The following SPIRE1 variants were observed in gnomAD, a reference collection of about 807,000 sequenced individuals.
The protein encoded by SPIRE1 is protein spire homolog 1.
A neutral mutation model predicts 94.1 loss-of-function variants in SPIRE1; 40 were observed. The observed-to-expected ratio is 0.43, with a 90% confidence interval of 0.33 to 0.55. SPIRE1 has a LOEUF of 0.55. SPIRE1 is among the 20% of genes least tolerant of loss of function. The pLI is 0.06. For synonymous variants in SPIRE1, 376 were observed against 371.7 expected, an observed-to-expected ratio of 1.01 and a Z score of -0.13; for missense variants, 838 against 975.2, an observed-to-expected ratio of 0.86 and a Z score of 1.87.
intron 4 of SPIRE1, among the ~76,000 whole-genome samples, chr18:12,521,395 G>A (rs1241667122): frequency 6.6e-6 from 1 of 151,028 alleles, no homozygotes; most frequent in South Asian, 2.1e-4. Flanking sequence ...GCAGTGGCAC[G>A]TGATCTCAGC....
At chr18:12,590,953 A>AT (rs1289078953) in intron 2 of SPIRE1, among the ~76,000 whole-genome samples, 1 of 152,238 alleles carries the variant, frequency 6.6e-6, no homozygotes, top group African/African-American at 2.4e-5. Flanking sequence ...ATATATTATC[A>AT]TTTTATCCTC....
intron 10 of SPIRE1, among the ~76,000 whole-genome samples, chr18:12,469,822 A>C (rs1209337992): frequency 6.7e-6 from 1 of 149,872 alleles, no homozygotes; most frequent in Admixed American, 6.8e-5. Flanking sequence ...GGCAAAAGTA[A>C]GCACATTTGG....
intron 2 of SPIRE1, among the ~76,000 whole-genome samples, chr18:12,621,575 T>C (rs1598544647): frequency 6.6e-6 from 1 of 152,212 alleles, no homozygotes; most frequent in Non-Finnish European, 1.5e-5. Flanking sequence ...ATGACATGGA[T>C]GAACCCTGAA....
At chr18:12,480,929 T>C (rs1054251296) in intron 9 of SPIRE1, among the ~76,000 whole-genome samples, 8 of 152,222 alleles carry the variant, frequency 5.3e-5, no homozygotes, top group African/African-American at 1.9e-4. Flanking sequence ...GCATGCAGTC[T>C]GTGAGGCTGC....
chr18:12,569,907 T>C (rs1422596343), intron 2 of SPIRE1, among the ~76,000 whole-genome samples: 1 of 152,202 alleles, frequency 6.6e-6, no homozygotes, highest in Non-Finnish European at 1.5e-5. Flanking sequence ...AACCACATAT[T>C]CTAAAATTTA....
chr18:12,450,580 C>T (rs2031183998), intron 16 of SPIRE1: 3 of 548,958 alleles, frequency 5.5e-6, no homozygotes, highest in Middle Eastern at 2.8e-4. Context: ...CCAAGAAGTG[C>T]TCTGAGAGGT....
rs1449420134 is a variant in SPIRE1, at chr18:12,480,669, G to C, written c.1232-798C>G. On this transcript the variant is annotated intron_variant, in intron 9 of 16. Coordinates refer to ENST00000409402, the MANE Select transcript of SPIRE1 (RefSeq NM_001128626.2). ...AATAAACTAAGGCTCAGATGGATTCGGCAAGTGGCACCATGGTGTCATGCC... is the reference window on the plus strand; with the variant it reads ...AATAAACTAAGGCTCAGATGGATTCCGCAAGTGGCACCATGGTGTCATGCC... Among the ~76,000 whole-genome samples the C allele has an allele frequency of 2.6e-5, 4 of 152,102 alleles. No individual in the cohort carries two copies. The East Asian group carries it at 7.7e-4, about 29-fold the overall frequency.
At chr18:12,598,565 A>G (rs2036743842) in intron 2 of SPIRE1, among the ~76,000 whole-genome samples, 1 of 152,160 alleles carries the variant, frequency 6.6e-6, no homozygotes, top group South Asian at 2.1e-4. Context: ...TCCTTGGATT[A>G]TTCTCGAGAC....
chr18:12,583,431 A>G (rs889312468), intron 2 of SPIRE1, among the ~76,000 whole-genome samples: 3 of 152,100 alleles, frequency 2.0e-5, no homozygotes, highest in African/African-American at 7.2e-5. Flanking sequence ...GTGAAACCTC[A>G]TCTCTACTAA....
chr18:12,455,038 T>C (rs551780987), intron 12 of SPIRE1, among the ~76,000 whole-genome samples: 3 of 151,960 alleles, frequency 2.0e-5, no homozygotes, highest in Admixed American at 2.0e-4. Context: ...TGGGCTCAAG[T>C]GATCCTCCCA....
At chr18:12,515,661 G>T (rs529158669) in intron 4 of SPIRE1, among the ~76,000 whole-genome samples, 1 of 152,260 alleles carries the variant, frequency 6.6e-6, no homozygotes, top group Admixed American at 6.5e-5. Context: ...TCTGCTAAAG[G>T]CTCACTACTT....
intron 12 of SPIRE1, among the ~76,000 whole-genome samples, chr18:12,460,885 T>C (rs1363641062): frequency 6.6e-6 from 1 of 152,230 alleles, no homozygotes; most frequent in Non-Finnish European, 1.5e-5. Flanking sequence ...TATGATTTTA[T>C]GGATTTCCCA....
At chr18:12,451,205 T>A (rs1346250157) in intron 16 of SPIRE1, among the ~76,000 whole-genome samples, 1 of 152,182 alleles carries the variant, frequency 6.6e-6, no homozygotes, top group Non-Finnish European at 1.5e-5. Flanking sequence ...GAAATTCAAG[T>A]AAATTTATCT....
Position 12,604,737 on chromosome 18 carries a change from G to A in SPIRE1, c.372+30325C>T, listed in dbSNP as rs144617211. ...AGGGAAGGGAAGGGTCAGAGTGAAC[G>A]TTTTTGGACATAAATCAGATCACAT... On this transcript the variant is annotated intron_variant, in intron 2 of 16. Transcript: ENST00000409402. Among the ~76,000 whole-genome samples, 1,058 of 152,220 alleles carry A rather than the reference G, an allele frequency of 7.0e-3. 10 individuals carry two copies. The highest frequency in any genetic ancestry group is 0.024 in the African/African-American group (1,005 of 41,522).
intron 4 of SPIRE1, among the ~76,000 whole-genome samples, chr18:12,531,048 T>C (rs990195017): frequency 6.6e-6 from 1 of 152,204 alleles, no homozygotes; most frequent in African/African-American, 2.4e-5. Context: ...TCTTTTCTCA[T>C]TTCACATCTC....
At chr18:12,576,679 G>T (rs1430288604) in intron 2 of SPIRE1, among the ~76,000 whole-genome samples, 2 of 151,084 alleles carry the variant, frequency 1.3e-5, no homozygotes, top group Non-Finnish European at 2.9e-5. Flanking sequence ...CACGAGGTCA[G>T]GAGATCGAGA....
chr18:12,646,801 T>G (rs1372900690), intron 1 of SPIRE1, among the ~76,000 whole-genome samples: 1 of 151,998 alleles, frequency 6.6e-6, no homozygotes, highest in African/African-American at 2.4e-5. Context: ...TCCCAGCACT[T>G]TGGGAGACGG....
intron 3 of SPIRE1, among the ~76,000 whole-genome samples, chr18:12,546,000 T>A (rs2035152626): frequency 6.6e-6 from 1 of 152,146 alleles, no homozygotes; most frequent in South Asian, 2.1e-4. Flanking sequence ...ATTATTATTA[T>A]TATTATTGAG....
chr18:12,571,487 C>T (rs776470780), intron 2 of SPIRE1, among the ~76,000 whole-genome samples: 2 of 152,182 alleles, frequency 1.3e-5, no homozygotes, highest in African/African-American at 4.8e-5. Context: ...GGTATGCATT[C>T]TGCGTCTTTA....
Sources: gnomAD v4.1 joint callset for allele counts (sites outside exome capture counted in the v4.1 genomes callset) on GRCh38, gnomAD v4.1.1 for gene constraint, MANE v1.5 for transcripts, NCBI Gene and HGNC (gene_info 2026-07-23, HGNC 2026-07-21) for gene names.